The following SH3BGRL2 variants were observed in gnomAD, a reference collection of about 807,000 sequenced individuals.
SH3BGRL2 encodes SH3 domain binding glutamate rich protein like 2, also known as SH3 domain-binding glutamic acid-rich-like protein 2.
In SH3BGRL2, 21 loss-of-function variants were observed where a neutral mutation model predicts 14.8. That is an observed-to-expected ratio of 1.42 (90% CI 1.01 to 2.05). SH3BGRL2 has a LOEUF of 2.05. Among genes scored for constraint, SH3BGRL2 ranks in the 30% most tolerant of loss-of-function variants. The pLI, the probability that SH3BGRL2 is intolerant of heterozygous loss-of-function variation, is 0.00. For missense variants in SH3BGRL2, 147 were observed against 130.8 expected (o/e 1.12, Z -0.61); for synonymous variants, 50 against 47.8 (o/e 1.05, Z -0.19).
chr6:79,558,620 T>C, the SH3BGRL2 span, among the ~76,000 whole-genome samples: 1 of 151,660 alleles, frequency 6.6e-6, no homozygotes, highest in Non-Finnish European at 1.5e-5. Context: ...ATCCTAGCAG[T>C]TTGGGAGGCC....
At chr6:79,651,153 C>T (rs1376582912) in intron 1 of SH3BGRL2, among the ~76,000 whole-genome samples, 1 of 152,074 alleles carries the variant, frequency 6.6e-6, no homozygotes, top group Non-Finnish European at 1.5e-5. Flanking sequence ...TTGATAAGGA[C>T]ATGGCCTTTG....
chr6:79,692,096 C>G (rs920361595), intron 2 of SH3BGRL2, among the ~76,000 whole-genome samples: 7 of 152,194 alleles, frequency 4.6e-5, no homozygotes, highest in African/African-American at 1.7e-4. Flanking sequence ...TTGCATTTCT[C>G]TAATGGCCAG....
the SH3BGRL2 span, among the ~76,000 whole-genome samples, chr6:79,620,010 A>C: frequency 6.6e-6 from 1 of 152,222 alleles, no homozygotes; most frequent in Non-Finnish European, 1.5e-5. Flanking sequence ...GAATAGCTTT[A>C]AATGTGTGTA....
intron 1 of SH3BGRL2, among the ~76,000 whole-genome samples, chr6:79,634,367 C>A (rs941900053): frequency 6.6e-6 from 1 of 152,124 alleles, no homozygotes; most frequent in Non-Finnish European, 1.5e-5. Flanking sequence ...TTCAACTGAC[C>A]ATGTTGCTAC....
At chr6:79,580,339 A>C in the SH3BGRL2 span, among the ~76,000 whole-genome samples, 2 of 152,228 alleles carry the variant, frequency 1.3e-5, no homozygotes, top group Non-Finnish European at 2.9e-5. Context: ...CAGAATATAC[A>C]TTCTTCTCAG....
chr6:79,556,459 A>G, the SH3BGRL2 span, among the ~76,000 whole-genome samples: 2 of 152,132 alleles, frequency 1.3e-5, no homozygotes, highest in African/African-American at 2.4e-5. Context: ...ACATCAAAGC[A>G]GATCCCTCTT....
chr6:79,650,225 A>G (rs1015829449), intron 1 of SH3BGRL2, among the ~76,000 whole-genome samples: 1 of 152,172 alleles, frequency 6.6e-6, no homozygotes, highest in African/African-American at 2.4e-5. Context: ...TTTCAGAAAG[A>G]TACAAAAGTT....
At chr6:79,570,990 C>A in the SH3BGRL2 span, among the ~76,000 whole-genome samples, 2 of 152,180 alleles carry the variant, frequency 1.3e-5, no homozygotes, top group Admixed American at 6.5e-5. Context: ...GAAAATACAT[C>A]GAAGCCCTCC....
At chr6:79,669,502 C>T (rs986822552) in intron 1 of SH3BGRL2, among the ~76,000 whole-genome samples, 11 of 146,698 alleles carry the variant, frequency 7.5e-5, no homozygotes, top group Non-Finnish European at 1.2e-4. Context: ...TTGCCTAGGC[C>T]GGAGTGCAAT....
At chr6:79,649,263 A>G (rs878921172) in intron 1 of SH3BGRL2, among the ~76,000 whole-genome samples, 12 of 152,326 alleles carry the variant, frequency 7.9e-5, no homozygotes, top group Middle Eastern at 6.8e-3. Flanking sequence ...AGCACACCAC[A>G]TCAAAGTACA....
chr6:79,631,004 C>A (rs916421410), upstream of SH3BGRL2, among the ~76,000 whole-genome samples: 1 of 152,200 alleles, frequency 6.6e-6, no homozygotes, highest in Non-Finnish European at 1.5e-5. Context: ...TGCTCCAAAC[C>A]AATAAACCAC....
chr6:79,676,906 C>G (rs1332441645), intron 2 of SH3BGRL2, among the ~76,000 whole-genome samples: 2 of 151,998 alleles, frequency 1.3e-5, no homozygotes, highest in African/African-American at 2.4e-5. Context: ...TATCTGGGAG[C>G]TGGCTAGAGG....
At chr6:79,584,119 A>G in the SH3BGRL2 span, among the ~76,000 whole-genome samples, 4 of 152,270 alleles carry the variant, frequency 2.6e-5, no homozygotes, top group Admixed American at 6.5e-5. Flanking sequence ...GTCCTCATTT[A>G]CTTTATTTTA....
At chr6:79,631,638 T>A in intron 1 of SH3BGRL2, 132 bp downstream of exon 1, 1 of 357,780 alleles carries the variant, frequency 2.8e-6, no homozygotes, top group Non-Finnish European at 4.3e-6. Context: ...CGGCAGGTGA[T>A]CCATCACACT....
the SH3BGRL2 span, among the ~76,000 whole-genome samples, chr6:79,540,659 CTT>C: frequency 6.6e-6 from 1 of 151,726 alleles, no homozygotes. Flanking sequence ...AGAAAGAAAA[CTT>C]GAGATGTTTG....
intron 1 of SH3BGRL2, among the ~76,000 whole-genome samples, chr6:79,642,415 GT>G (rs1338358440): frequency 2.0e-5 from 3 of 151,838 alleles, no homozygotes; most frequent in African/African-American, 7.3e-5. Context: ...TACTGTGTAT[GT>G]TTTTTTTAGA....
chr6:79,611,392 T>C, the SH3BGRL2 span, among the ~76,000 whole-genome samples: 31,613 of 150,584 alleles, frequency 0.21, 3,523 homozygotes, highest in African/African-American at 0.23. Flanking sequence ...TTAAGTTAAC[T>C]ACAGTATATA....
chr6:79,615,806 A>C, the SH3BGRL2 span, among the ~76,000 whole-genome samples: 1 of 145,360 alleles, frequency 6.9e-6, no homozygotes, highest in African/African-American at 2.5e-5. Context: ...CTGCTTTTAA[A>C]CCACTCCTGC....
intron 2 of SH3BGRL2, among the ~76,000 whole-genome samples, chr6:79,691,787 G>T (rs1770222561): frequency 6.6e-6 from 1 of 151,462 alleles, no homozygotes; most frequent in Admixed American, 6.6e-5. Flanking sequence ...CCAAGTCTTT[G>T]CTATTGTGAA....
Sources: allele counts gnomAD v4.1 joint callset (sites outside exome capture counted in the v4.1 genomes callset), GRCh38; gene constraint gnomAD v4.1.1; transcripts MANE v1.5; gene names NCBI Gene and HGNC (gene_info 2026-07-23, HGNC 2026-07-21).